The following TDP1 variants were observed in gnomAD, a reference collection of about 807,000 sequenced individuals.
The protein encoded by TDP1 is tyrosyl-DNA phosphodiesterase 1.
In TDP1, 64 loss-of-function variants were observed where a neutral mutation model predicts 81.5. The ratio of observed to expected loss-of-function variants is 0.79; its 90% CI spans 0.64 to 0.97. The LOEUF is 0.97. Ranked by LOEUF, TDP1 falls within the 50% of genes least tolerant of loss-of-function variation. The pLI is 0.00. For synonymous variants in TDP1, 256 were observed against 264.3 expected (o/e 0.97, Z 0.30); for missense variants, 723 against 743.8 (o/e 0.97, Z 0.33).
chr14:89,979,785 A>G (rs919416566), intron 7 of TDP1, among the ~76,000 whole-genome samples: 3 of 152,172 alleles, frequency 2.0e-5, no homozygotes, highest in East Asian at 1.9e-4. Context: ...GCTTTTATCT[A>G]TATCCTATTC....
intron 6 of TDP1, among the ~76,000 whole-genome samples, chr14:89,974,277 G>A (rs959602825): frequency 2.0e-5 from 3 of 152,122 alleles, no homozygotes; most frequent in Non-Finnish European, 4.4e-5. Flanking sequence ...CTTGTTTTTT[G>A]TGCTTAGACT....
intron 7 of TDP1, among the ~76,000 whole-genome samples, chr14:89,978,691 G>A (rs942155386): frequency 6.6e-6 from 1 of 152,202 alleles, no homozygotes; most frequent in African/African-American, 2.4e-5. Flanking sequence ...TGATTTGCCT[G>A]ATAATCGATG....
intron 2 of TDP1, among the ~76,000 whole-genome samples, chr14:89,959,252 C>T (rs1596488481): frequency 6.6e-6 from 1 of 152,226 alleles, no homozygotes; most frequent in East Asian, 1.9e-4. Context: ...AAGCACTGCC[C>T]AGGCAGGGAA....
rs566122930 is a variant in TDP1, at chr14:90,011,764, T to C, written c.1542-7552T>C. 2.0e-5 allele frequency among the ~76,000 whole-genome samples: 3 copies of C among 152,348 alleles called. No individual in the cohort carries two copies. In the East Asian group the frequency reaches 5.8e-4, roughly 29 times the overall value. ...GTGCTCTTAAAGGCATACAGTTTTA[T>C]TCATTCATAGAGATACTCTTTGGAG... On this transcript the variant is annotated intron_variant, in intron 14 of 16. Coordinates refer to ENST00000335725, the MANE Select transcript of TDP1 (RefSeq NM_018319.4).
chr14:90,038,545 A>AT (rs1235773133), intron 16 of TDP1, among the ~76,000 whole-genome samples: 1 of 152,184 alleles, frequency 6.6e-6, no homozygotes, highest in East Asian at 1.9e-4. Flanking sequence ...ATTGCTTTAA[A>AT]TTGTTGGTAT....
At position 89,988,933 on chromosome 14, in the gene TDP1, C is replaced by G; in HGVS notation, c.1160C>G (p.Pro387Arg). ...KLLKDHASSM[P>R]NAESWPVVGQ... The stretch of plus-strand genomic sequence containing the variant: ...CTGAAAGACCATGCCTCATCCATGC[C>G]TAACGCAGAGTCCTGGCCTGTCGTA... Residue 387 changes from proline (P) to arginine (R), a missense_variant, in exon 11 of 17, where the codon CCT becomes CGT. Pro to Arg is a moderately radical substitution (Grantham distance 103). Coordinates refer to ENST00000335725, the MANE Select transcript of TDP1 (RefSeq NM_018319.4). The G allele has an allele frequency of 6.2e-7, 1 of 1,614,172 alleles. No homozygotes were observed. Among genetic ancestry groups the G allele is most frequent in the Non-Finnish European group, 8.5e-7 (1 of 1,180,014 alleles).
chr14:89,958,713 T>A (rs768512746), intron 2 of TDP1, among the ~76,000 whole-genome samples: 1 of 152,182 alleles, frequency 6.6e-6, no homozygotes, highest in Non-Finnish European at 1.5e-5. Flanking sequence ...ATCCGGTCCG[T>A]GGATTTACCC....
At chr14:89,961,967 G>A (rs1399528814) in intron 2 of TDP1, among the ~76,000 whole-genome samples, 6 of 152,120 alleles carry the variant, frequency 3.9e-5, no homozygotes, top group African/African-American at 1.4e-4. Flanking sequence ...ATCACATTGA[G>A]GAACTGTTCT....
At chr14:90,033,506 C>T (rs937866025) in intron 16 of TDP1, 3 of 409,346 alleles carry the variant, frequency 7.3e-6, no homozygotes, top group South Asian at 2.1e-5. Context: ...GCATTTAATG[C>T]GTCAAATCTA....
rs1596498067 is a variant in TDP1 at position 89,963,198 on chromosome 14, A to G, written c.84A>G (p.Pro28=). The change falls in exon 3 of 17, where the codon CCA becomes CCG. Residue 28 remains proline (P), a synonymous_variant. Transcript: ENST00000335725. ...AAGAAAAGCCAAAACCAGACAAGCCATCTACCTCTTCTCTTCTCTGTGCCA... is the reference window on the plus strand; with the variant it reads ...AAGAAAAGCCAAAACCAGACAAGCCGTCTACCTCTTCTCTTCTCTGTGCCA... ...SEEEKPKPDK[P]STSSLLCARQ... 4 of 1,614,050 alleles carry G rather than the reference A, an allele frequency of 2.5e-6. No homozygotes were observed. Among genetic ancestry groups the G allele is most frequent in the Non-Finnish European group, 3.4e-6 (4 of 1,180,020 alleles).
chr14:90,002,867 T>C (rs1420983265), intron 14 of TDP1, among the ~76,000 whole-genome samples: 2 of 152,056 alleles, frequency 1.3e-5, no homozygotes, highest in Non-Finnish European at 2.9e-5. Flanking sequence ...AGTGAGACCC[T>C]GTCTCAAAAA....
chr14:90,032,860 AAAACTTTTGC>A, intron 15 of TDP1: 1 of 985,024 alleles, frequency 1.0e-6, no homozygotes, highest in Non-Finnish European at 1.2e-6. Context: ...GTATCCTTTG[AAAACTTTTGC>A]AAACTTTGCT....
chr14:90,024,424 C>T (rs1210579495), intron 15 of TDP1, among the ~76,000 whole-genome samples: 3 of 152,182 alleles, frequency 2.0e-5, no homozygotes, highest in Non-Finnish European at 4.4e-5. Flanking sequence ...TGACCTTTGA[C>T]TCTTGTCTCC....
At chr14:89,962,627 G>A (rs1041166254) in intron 2 of TDP1, among the ~76,000 whole-genome samples, 4 of 152,086 alleles carry the variant, frequency 2.6e-5, no homozygotes, top group Non-Finnish European at 5.9e-5. Context: ...ACTTTGGAAG[G>A]CCAAGGTGGG....
intron 15 of TDP1, chr14:90,023,145 G>C (rs1467191396): frequency 1.4e-6 from 1 of 725,556 alleles, no homozygotes; most frequent in East Asian, 2.5e-5. Context: ...CTAGGGTGTG[G>C]GGCATTCAAA....
chr14:89,989,722 T>G lies in TDP1; in HGVS notation c.1323T>G (p.Tyr441Ter). 1 of 1,609,144 alleles carries G rather than the reference T, an allele frequency of 6.2e-7. No homozygotes were observed. Among genetic ancestry groups the G allele is most frequent in the Non-Finnish European group, 8.5e-7 (1 of 1,175,604 alleles). Residue 441 changes from tyrosine to a stop codon, truncating the protein, a stop_gained, in exon 12 of 17, where the codon TAT becomes TAG. Coordinates refer to ENST00000335725, the MANE Select transcript of TDP1 (RefSeq NM_018319.4). LOFTEE classifies it high-confidence loss of function. ...GKSSVPLYLI[Y>*]PSVENVRTSL... ...TGTTTTCCTCTTATTTTTAGATCTA[T>G]CCTTCTGTGGAAAATGTGCGGACCA...
At chr14:89,959,629 A>C (rs1596489262) in intron 2 of TDP1, among the ~76,000 whole-genome samples, 1 of 152,110 alleles carries the variant, frequency 6.6e-6, no homozygotes, top group Admixed American at 6.5e-5. Flanking sequence ...GCAGAACCCC[A>C]AAAAAAGGCT....
intron 14 of TDP1, among the ~76,000 whole-genome samples, chr14:90,016,450 C>A (rs1885319446): frequency 6.6e-6 from 1 of 152,152 alleles, no homozygotes; most frequent in Admixed American, 6.5e-5. Context: ...CTGGCCCTCA[C>A]CAGGTATGTA....
At chr14:90,021,701 A>G (rs540314430) in intron 15 of TDP1, among the ~76,000 whole-genome samples, 21 of 152,380 alleles carry the variant, frequency 1.4e-4, no homozygotes, top group African/African-American at 4.6e-4. Flanking sequence ...GAGCCCCATT[A>G]TAGCACATTC....
Sources: allele counts gnomAD v4.1 joint callset (sites outside exome capture counted in the v4.1 genomes callset), GRCh38; gene constraint gnomAD v4.1.1; transcripts MANE v1.5; gene names NCBI Gene and HGNC (gene_info 2026-07-23, HGNC 2026-07-21).